DLGAP1: variants seen among roughly 807,000 people sequenced by gnomAD.
DLGAP1 encodes DLG associated protein 1.
Under a neutral mutation model 90.8 loss-of-function variants are expected in DLGAP1, and 11 were observed. That is an observed-to-expected ratio of 0.12 (90% CI 0.08 to 0.20). DLGAP1 has a LOEUF of 0.20. Among genes scored for constraint, DLGAP1 ranks in the 10% least tolerant of loss-of-function variants. The pLI, the probability that DLGAP1 is intolerant of heterozygous loss-of-function variation, is 1.00. For missense variants in DLGAP1, 1,050 were observed against 1,333.8 expected (o/e 0.79, Z 3.31); for synonymous variants, 558 against 540.7 (o/e 1.03, Z -0.44).
intron 8 of DLGAP1, among the ~76,000 whole-genome samples, chr18:3,569,290 G>A (rs985177436): frequency 5.9e-5 from 9 of 151,890 alleles, no homozygotes; most frequent in Middle Eastern, 3.2e-3. Context: ...GTGAGCCACC[G>A]CACCTGGACA....
rs1440948047 is a variant in DLGAP1, at chr18:4,311,974, C to T, written c.-267+143032G>A. The stretch of plus-strand genomic sequence containing the variant: ...CAAGTGATCCGCCAGCCTTGGCCTC[C>T]CAAAGTGCTGGGATTACAGATGTGA... On this transcript the variant is annotated intron_variant, in intron 1 of 12. Coordinates refer to ENST00000315677, the MANE Select transcript of DLGAP1 (RefSeq NM_004746.4). Among the ~76,000 whole-genome samples, 3 of 152,296 alleles carry T rather than the reference C, an allele frequency of 2.0e-5. No individual in the cohort carries two copies. In the East Asian group the frequency reaches 5.8e-4, roughly 29 times the overall value.
At chr18:3,551,321 C>T (rs1265104197) in intron 9 of DLGAP1, among the ~76,000 whole-genome samples, 1 of 151,904 alleles carries the variant, frequency 6.6e-6, no homozygotes, top group East Asian at 1.9e-4. Context: ...GTGGTCTTGC[C>T]TCACTGCAAC....
intron 5 of DLGAP1, among the ~76,000 whole-genome samples, chr18:3,788,682 G>A (rs1051056873): frequency 1.3e-5 from 2 of 152,076 alleles, no homozygotes; most frequent in Non-Finnish European, 2.9e-5. Flanking sequence ...TTACAGGGTC[G>A]GGCTTGGCAA....
chr18:3,623,284 AT>A (rs1162292376), intron 7 of DLGAP1, among the ~76,000 whole-genome samples: 1 of 152,186 alleles, frequency 6.6e-6, no homozygotes, highest in Non-Finnish European at 1.5e-5. Context: ...AACAAAGTAA[AT>A]GTTTAATCCT....
intron 1 of DLGAP1, among the ~76,000 whole-genome samples, chr18:4,388,132 A>T (rs2082273042): frequency 6.6e-6 from 1 of 152,012 alleles, no homozygotes; most frequent in Non-Finnish European, 1.5e-5. Flanking sequence ...TCATATTTAA[A>T]TCTTTGCAAT....
rs545204616 is a variant in DLGAP1, at chr18:4,323,126, C to A, written c.-267+131880G>T. The stretch of plus-strand genomic sequence containing the variant: ...ACAAATAATCTGATTAAAAAGCGAG[C>A]AAAGGATTTGAAGGGACAATTATCA... On this transcript the variant is annotated intron_variant, in intron 1 of 12. Transcript: ENST00000315677. 1.0e-3 allele frequency among the ~76,000 whole-genome samples: 156 copies of A among 151,860 alleles called. 1 individual carries two copies. The highest frequency in any genetic ancestry group is 0.01 in the Admixed American group (155 of 15,254).
intron 1 of DLGAP1, among the ~76,000 whole-genome samples, chr18:4,155,292 T>C (rs1366542735): frequency 1.3e-5 from 2 of 152,180 alleles, no homozygotes; most frequent in African/African-American, 2.4e-5. Flanking sequence ...CTGCTGCCCA[T>C]TGTGAACCAT....
chr18:4,344,792 G>T (rs1488024159), intron 1 of DLGAP1, among the ~76,000 whole-genome samples: 1 of 152,160 alleles, frequency 6.6e-6, no homozygotes, highest in African/African-American at 2.4e-5. Context: ...CAGCCATCGT[G>T]TTATGACCCG....
chr18:3,729,997 C>T lies in DLGAP1; in HGVS notation c.1351-622G>A, dbSNP rs1568029052. On this transcript the variant is annotated intron_variant, in intron 6 of 12. Coordinates refer to ENST00000315677, the MANE Select transcript of DLGAP1 (RefSeq NM_004746.4). The surrounding 1 kb of genome is among the most constrained non-coding windows in gnomAD (Gnocchi z 6.2). ...CCTATATTTTCTGGCAAGATACTCA[C>T]GTTTTGCACAAAAATAGACTAAACT... 1.3e-5 allele frequency among the ~76,000 whole-genome samples: 2 copies of T among 152,170 alleles called. No individual in the cohort carries two copies. Among genetic ancestry groups the T allele is most frequent in the African/African-American group, 2.4e-5 (1 of 41,432 alleles).
intron 8 of DLGAP1, among the ~76,000 whole-genome samples, chr18:3,579,269 G>A (rs1193121117): frequency 6.6e-6 from 1 of 152,226 alleles, no homozygotes; most frequent in Non-Finnish European, 1.5e-5. Context: ...TGTGTGCAAT[G>A]GCATGATCTC....
Position 4,161,444 on chromosome 18 carries a change from T to C in DLGAP1, c.-266-10157A>G, listed in dbSNP as rs772969677. Among the ~76,000 whole-genome samples the C allele has an allele frequency of 2.6e-5, 4 of 152,190 alleles. 1 individual carries two copies. Among genetic ancestry groups the C allele is most frequent in the African/African-American group, 4.8e-5 (2 of 41,438 alleles). On this transcript the variant is annotated intron_variant, in intron 1 of 12. Transcript: ENST00000315677. ...GATCTCATTTCTTTTCATGGCTGCA[T>C]AGTATTCCATGGTATATATGTACCA...
chr18:4,019,941 C>A (rs2149110391), intron 2 of DLGAP1, among the ~76,000 whole-genome samples: 1 of 152,300 alleles, frequency 6.6e-6, no homozygotes, highest in African/African-American at 2.4e-5. Flanking sequence ...CATAGTACAT[C>A]CATCAATACA....
At chr18:3,538,446 C>T (rs1023222506) in intron 9 of DLGAP1, among the ~76,000 whole-genome samples, 2 of 151,796 alleles carry the variant, frequency 1.3e-5, no homozygotes, top group African/African-American at 4.8e-5. Context: ...TGTTACAAGT[C>T]TCTTGTGCTA....
intron 1 of DLGAP1, among the ~76,000 whole-genome samples, chr18:4,174,082 T>A (rs532500796): frequency 6.6e-6 from 1 of 152,266 alleles, no homozygotes; most frequent in Non-Finnish European, 1.5e-5. Context: ...ACCCTCTTTC[T>A]CCAGTTTTCT....
chr18:4,212,531 G>A (rs1289335522), intron 1 of DLGAP1, among the ~76,000 whole-genome samples: 2 of 144,480 alleles, frequency 1.4e-5, no homozygotes, highest in African/African-American at 5.0e-5. Context: ...AAAAATCCAG[G>A]TGTGGTGGTG....
At chr18:4,387,901 A>T (rs2082263430) in intron 1 of DLGAP1, among the ~76,000 whole-genome samples, 1 of 149,250 alleles carries the variant, frequency 6.7e-6, no homozygotes, top group Non-Finnish European at 1.5e-5. Context: ...ACTGCACTCC[A>T]GCCTGGGTGA....
chr18:3,540,191 G>A (rs1461029236), intron 9 of DLGAP1, among the ~76,000 whole-genome samples: 2 of 152,048 alleles, frequency 1.3e-5, no homozygotes, highest in South Asian at 2.1e-4. Context: ...GCTTGGCTGG[G>A]TGCAGTGGCT....
chr18:4,252,759 T>G (rs1374341456), intron 1 of DLGAP1, among the ~76,000 whole-genome samples: 2 of 152,260 alleles, frequency 1.3e-5, no homozygotes, highest in Non-Finnish European at 2.9e-5. Flanking sequence ...TTGCTGATTA[T>G]GAGACAAGAG....
In DLGAP1 at chr18:4,449,263, GT is replaced by G. The variant is rs146602110; in HGVS notation, c.-267+5742del. 4.7e-4 allele frequency among the ~76,000 whole-genome samples: 71 copies of G among 152,242 alleles called. No individual in the cohort carries two copies. The East Asian group carries it at 0.012, about 26-fold the overall frequency. ...GAGGAAGAAGAGGGAACAGGAGTTT[GT>G]TTTTTCTTTGCTTCCTTTTTAAAAT... On this transcript the variant is annotated intron_variant, in intron 1 of 12. Coordinates refer to ENST00000315677, the MANE Select transcript of DLGAP1 (RefSeq NM_004746.4).
Sources: allele counts gnomAD v4.1 joint callset (sites outside exome capture counted in the v4.1 genomes callset), GRCh38; gene constraint gnomAD v4.1.1; non-coding constraint Gnocchi (gnomAD v3.1); transcripts MANE v1.5; gene names NCBI Gene and HGNC (gene_info 2026-07-23, HGNC 2026-07-21).